CCDC138: variants seen among roughly 807,000 people sequenced by gnomAD.
CCDC138 encodes coiled-coil domain containing 138.
A neutral mutation model predicts 82.3 loss-of-function variants in CCDC138; 66 were observed. The observed-to-expected ratio is 0.80, with a 90% CI of 0.66 to 0.98. The LOEUF (loss-of-function observed/expected upper bound fraction) is 0.98. CCDC138 is among the 50% of genes least tolerant of loss of function. CCDC138 has a pLI of 0.00. For synonymous variants in CCDC138, 297 were observed against 265.4 expected, an observed-to-expected ratio of 1.12 and a Z score of -1.16; for missense variants, 816 against 758.9, an observed-to-expected ratio of 1.08 and a Z score of -0.88.
intron 7 of CCDC138, among the ~76,000 whole-genome samples, chr2:108,807,629 G>GT (rs1683085364): frequency 1.3e-5 from 2 of 151,934 alleles, no homozygotes; most frequent in East Asian, 1.9e-4. Context: ...GTTTTGTTTT[G>GT]TTTTTTTGAG....
At chr2:108,849,508 A>G (rs1395045241) in intron 12 of CCDC138, among the ~76,000 whole-genome samples, 1 of 151,976 alleles carries the variant, frequency 6.6e-6, no homozygotes, top group Non-Finnish European at 1.5e-5. Flanking sequence ...CAGTGGCTTC[A>G]TCACCTCTCC....
rs138848875 is a variant in CCDC138 at position 108,786,855 on chromosome 2, G to C, written c.33G>C (p.Gln11His). 362 of 1,592,812 alleles carry C rather than the reference G, an allele frequency of 2.3e-4. 1 individual carries two copies. In the African/African-American group the frequency reaches 3.9e-3, roughly 17 times the overall value. Residue 11 changes from glutamine to histidine, a missense_variant, in exon 1 of 15, where the codon CAG becomes CAC. Transcript: ENST00000295124. MEPRVVKPPG[Q>H]DLVVESLKSR... Reference sequence around the variant, plus strand: ...CGAGGGTCGTCAAGCCACCGGGGCAGGATTTAGTAGTGGAGAGTCTCAAAA... The same window carrying C: ...CGAGGGTCGTCAAGCCACCGGGGCACGATTTAGTAGTGGAGAGTCTCAAAA...
At chr2:108,807,745 G>C (rs1490304896) in intron 7 of CCDC138, among the ~76,000 whole-genome samples, 1 of 152,086 alleles carries the variant, frequency 6.6e-6, no homozygotes, top group Non-Finnish European at 1.5e-5. Flanking sequence ...AGCCTCCCGA[G>C]TATCTGGGAT....
At chr2:108,789,783 G>C (rs1467576898) in intron 3 of CCDC138, among the ~76,000 whole-genome samples, 1 of 152,084 alleles carries the variant, frequency 6.6e-6, no homozygotes, top group Non-Finnish European at 1.5e-5. Flanking sequence ...AGAAGTTGCC[G>C]TTCTGTAAGG....
intron 10 of CCDC138, among the ~76,000 whole-genome samples, chr2:108,835,750 T>C (rs970700821): frequency 1.3e-5 from 2 of 152,248 alleles, no homozygotes; most frequent in African/African-American, 4.8e-5. Context: ...TATTTTATCT[T>C]GCAAAACTAA....
At chr2:108,815,706 T>C (rs939532755) in intron 9 of CCDC138, among the ~76,000 whole-genome samples, 1 of 152,002 alleles carries the variant, frequency 6.6e-6, no homozygotes, top group Admixed American at 6.6e-5. Flanking sequence ...CTTCAGGTGA[T>C]CCACCCACCT....
intron 3 of CCDC138, among the ~76,000 whole-genome samples, chr2:108,790,555 A>G (rs1000089282): frequency 6.6e-6 from 1 of 152,038 alleles, no homozygotes; most frequent in Non-Finnish European, 1.5e-5. Context: ...AACAAAAATT[A>G]GCCGGGCATG....
chr2:108,798,853 A>ACACAT (rs773551676), intron 6 of CCDC138, among the ~76,000 whole-genome samples: 1 of 144,272 alleles, frequency 6.9e-6, no homozygotes, highest in Admixed American at 6.8e-5. Context: ...ACACACACAC[A>ACACAT]TTTTTTCTGA....
At chr2:108,808,166 A>G (rs1269339638) in intron 7 of CCDC138, among the ~76,000 whole-genome samples, 1 of 152,126 alleles carries the variant, frequency 6.6e-6, no homozygotes, top group Non-Finnish European at 1.5e-5. Flanking sequence ...GTTCTTTTTC[A>G]TAGCTGAACA....
chr2:108,880,078 G>T (rs1439042886), downstream of CCDC138, among the ~76,000 whole-genome samples: 1 of 151,506 alleles, frequency 6.6e-6, no homozygotes, highest in Non-Finnish European at 1.5e-5. Context: ...CAAAGCAAAA[G>T]AAAACATTTT....
At chr2:108,810,749 T>A (rs1309813478) in intron 7 of CCDC138, among the ~76,000 whole-genome samples, 1 of 152,228 alleles carries the variant, frequency 6.6e-6, no homozygotes, top group Non-Finnish European at 1.5e-5. Flanking sequence ...TTTAAAAGTT[T>A]TAATTCAGCA....
intron 10 of CCDC138, among the ~76,000 whole-genome samples, chr2:108,821,406 G>A: frequency 6.6e-6 from 1 of 152,182 alleles, no homozygotes; most frequent in Non-Finnish European, 1.5e-5. Context: ...GGAATGTGGA[G>A]CCATAATGAT....
intron 13 of CCDC138, among the ~76,000 whole-genome samples, chr2:108,857,290 G>A (rs1692783583): frequency 6.6e-6 from 1 of 151,978 alleles, no homozygotes; most frequent in Admixed American, 6.6e-5. Context: ...TGTTGGCCAG[G>A]ATGGTCTGTA....
At chr2:108,858,077 C>T (rs770803188) in intron 13 of CCDC138, among the ~76,000 whole-genome samples, 1 of 152,206 alleles carries the variant, frequency 6.6e-6, no homozygotes, top group African/African-American at 2.4e-5. Context: ...GGTGCAGTGG[C>T]TCATGCCTGT....
At chr2:108,850,215 A>G (rs1691222816) in intron 12 of CCDC138, among the ~76,000 whole-genome samples, 1 of 152,228 alleles carries the variant, frequency 6.6e-6, no homozygotes, top group African/African-American at 2.4e-5. Context: ...TAACTCTAGT[A>G]AGAAGATGTT....
chr2:108,841,785 T>G (rs991131924), intron 11 of CCDC138, among the ~76,000 whole-genome samples: 1 of 152,292 alleles, frequency 6.6e-6, no homozygotes, highest in Admixed American at 6.5e-5. Context: ...TTTTAACTAC[T>G]GGGTGGTTCT....
At chr2:108,842,202 GTT>G (rs11330697) in intron 11 of CCDC138, among the ~76,000 whole-genome samples, 173 of 142,116 alleles carry the variant, frequency 1.2e-3, no homozygotes, top group Admixed American at 1.4e-3. Context: ...TAATTAAAAA[GTT>G]TTTTTTTTTT....
downstream of CCDC138, among the ~76,000 whole-genome samples, chr2:108,879,027 G>A (rs1696206447): frequency 1.2e-5 from 1 of 80,370 alleles, no homozygotes; most frequent in African/African-American, 2.9e-5. Flanking sequence ...GTTCTTTATG[G>A]TCATGTTCTA....
chr2:108,833,426 T>C (rs1180479571), intron 10 of CCDC138, among the ~76,000 whole-genome samples: 1 of 152,136 alleles, frequency 6.6e-6, no homozygotes, highest in Non-Finnish European at 1.5e-5. Flanking sequence ...GATCTGTTAG[T>C]TTAAAAGTAA....
Sources: allele counts gnomAD v4.1 joint callset (sites outside exome capture counted in the v4.1 genomes callset), GRCh38; gene constraint gnomAD v4.1.1; transcripts MANE v1.5; gene names NCBI Gene and HGNC (gene_info 2026-07-23, HGNC 2026-07-21).